The following SHLD1 variants were observed in gnomAD, a reference collection of about 807,000 sequenced individuals.
SHLD1 encodes RINN1-REV7-interacting novel NHEJ regulator 3.
In SHLD1, 3 loss-of-function variants were observed where a neutral mutation model predicts 5.5. The observed-to-expected ratio is 0.54, with a 90% CI of 0.25 to 1.40. The LOEUF is 1.40. Among genes scored for constraint, SHLD1 ranks in the 40% most tolerant of loss-of-function variants. The probability of loss-of-function intolerance (pLI) is 0.15; values close to 1 mark genes in which losing one functional copy is unlikely to be tolerated. For synonymous variants in SHLD1, 92 were observed against 94.3 expected, an observed-to-expected ratio of 0.98 and a Z score of 0.14; for missense variants, 210 against 244.4, an observed-to-expected ratio of 0.86 and a Z score of 0.94.
At chr20:5,849,360 T>A (rs1227668404) in intron 2 of SHLD1, among the ~76,000 whole-genome samples, 1 of 152,112 alleles carries the variant, frequency 6.6e-6, no homozygotes, top group African/African-American at 2.4e-5. Flanking sequence ...GAAATGCCAG[T>A]GGTGAAAACA....
rs760429954 is a variant in SHLD1 at position 5,863,455 on chromosome 20, G to T, written c.610G>T (p.Asp204Tyr). The T allele has an allele frequency of 6.3e-7, 1 of 1,598,858 alleles. No individual in the cohort carries two copies. The highest frequency in any genetic ancestry group is 1.1e-5 in the South Asian group (1 of 87,556). The change falls in exon 3 of 3, where the codon GAC (aspartate) becomes TAC (tyrosine). Residue 204 changes from aspartate (D) to tyrosine (Y), a missense_variant. By Grantham distance (160) the Asp-to-Tyr change is radical. Transcript: ENST00000303142. ...CCTCTTGCAGCAGAATGTAATGAAA[G>T]ACCTGTAACTGGTGCCGGGCAGTGT... ...HFLLQQNVMK[D>Y]L
At chr20:5,763,290 CAAAAAAAAAA>C (rs57863188) in intron 1 of SHLD1, among the ~76,000 whole-genome samples, 1 of 58,120 alleles carries the variant, frequency 1.7e-5, no homozygotes, top group Non-Finnish European at 3.4e-5. Flanking sequence ...AACTCCATCT[CAAAAAAAAAA>C]AAAAAAAAAA....
At chr20:5,775,228 A>T (rs923595879) in intron 2 of SHLD1, among the ~76,000 whole-genome samples, 10 of 151,412 alleles carry the variant, frequency 6.6e-5, no homozygotes, top group Non-Finnish European at 1.5e-4. Context: ...TTTTTTGTAG[A>T]GACAGGGTCT....
chr20:5,849,283 A>G (rs1435000686), intron 2 of SHLD1, among the ~76,000 whole-genome samples: 1 of 152,238 alleles, frequency 6.6e-6, no homozygotes, highest in African/African-American at 2.4e-5. Flanking sequence ...CCGATGGTTC[A>G]GAGTGAATCA....
chr20:5,812,295 A>G (rs1365151251), intron 2 of SHLD1, among the ~76,000 whole-genome samples: 1 of 152,114 alleles, frequency 6.6e-6, no homozygotes, highest in Non-Finnish European at 1.5e-5. Flanking sequence ...TGGACTAGTA[A>G]GGGTTTCATC....
Position 5,829,047 on chromosome 20 carries a change from G to T in SHLD1, c.179-33977G>T, listed in dbSNP as rs2087698317. On this transcript the variant is annotated intron_variant, in intron 2 of 2. Transcript: ENST00000303142. ...CACCACCATGCCTGGCTCATTTTTT[G>T]AATTATTTTTGTAGAGACAGAGTCT... Among the ~76,000 whole-genome samples the T allele has an allele frequency of 3.3e-5, 5 of 151,976 alleles. No homozygotes were observed. In the South Asian group the frequency reaches 1.0e-3, roughly 32 times the overall value.
At chr20:5,774,663 C>T (rs1985344705) in intron 2 of SHLD1, among the ~76,000 whole-genome samples, 1 of 152,092 alleles carries the variant, frequency 6.6e-6, no homozygotes, top group South Asian at 2.1e-4. Context: ...AGGTGCTACA[C>T]ACTTTTAAAC....
chr20:5,859,498 G>A (rs986113575), intron 2 of SHLD1, among the ~76,000 whole-genome samples: 4 of 152,184 alleles, frequency 2.6e-5, no homozygotes, highest in African/African-American at 9.7e-5. Context: ...AGAGAATAAG[G>A]TGGGGTTTGA....
intron 2 of SHLD1, among the ~76,000 whole-genome samples, chr20:5,854,832 G>A (rs1420438094): frequency 1.3e-5 from 2 of 149,014 alleles, no homozygotes. Context: ...CCTCTCCCCA[G>A]CTTCTGGTAA....
chr20:5,834,925 T>C (rs2087772423), intron 2 of SHLD1, among the ~76,000 whole-genome samples: 1 of 152,176 alleles, frequency 6.6e-6, no homozygotes. Flanking sequence ...ATGAGTTCCA[T>C]TCATGAGGAC....
At chr20:5,810,258 G>GAAA (rs113215634) in intron 2 of SHLD1, among the ~76,000 whole-genome samples, 4 of 143,710 alleles carry the variant, frequency 2.8e-5, no homozygotes, top group Non-Finnish European at 4.6e-5. Context: ...CTCTGTCTCG[G>GAAA]AAAAAAAAAA....
chr20:5,844,002 A>G (rs2122474614), intron 2 of SHLD1, among the ~76,000 whole-genome samples: 1 of 152,282 alleles, frequency 6.6e-6, no homozygotes, highest in South Asian at 2.1e-4. Flanking sequence ...GTATCACGCA[A>G]ATTTTAGATT....
At chr20:5,770,836 T>C (rs958125132) in intron 1 of SHLD1, among the ~76,000 whole-genome samples, 8 of 152,198 alleles carry the variant, frequency 5.3e-5, no homozygotes, top group Admixed American at 1.3e-4. Context: ...AAGGTTGTAT[T>C]TGCAGGTAAA....
At position 5,863,222 on chromosome 20, in the gene SHLD1, C is replaced by T. The variant is rs2122519905; in HGVS notation, c.377C>T (p.Ser126Phe). Residue 126 changes from serine to phenylalanine, a missense_variant, in exon 3 of 3, where the codon TCT becomes TTT. By Grantham distance (155) the Ser-to-Phe change is radical. Transcript: ENST00000303142. The part of the protein sequence containing the change: ...SLSASVCKCL[S>F]QKITQLRGQE... ...TCTGCATCTGTCTGCAAGTGCCTGT[C>T]TCAGAAAATCACTCAACTAAGAGGC... 1.2e-6 allele frequency: 2 copies of T among 1,614,016 alleles called. No homozygotes were observed. Among genetic ancestry groups the T allele is most frequent in the East Asian group, 4.5e-5 (2 of 44,892 alleles).
chr20:5,821,993 C>T (rs2087611575), intron 2 of SHLD1, among the ~76,000 whole-genome samples: 1 of 152,182 alleles, frequency 6.6e-6, no homozygotes, highest in Admixed American at 6.5e-5. Flanking sequence ...GCAAGGGGAC[C>T]ACCTGAGGGT....
intron 2 of SHLD1, among the ~76,000 whole-genome samples, chr20:5,805,670 G>C (rs1013966580): frequency 6.6e-6 from 1 of 152,052 alleles, no homozygotes; most frequent in African/African-American, 2.4e-5. Flanking sequence ...GCGCAATCTC[G>C]GCTCACTGCA....
rs1777353 is a variant in SHLD1, at chr20:5,863,476, A to G, written c.*13A>G. 0.35 allele frequency: 550,826 copies of G among 1,578,870 alleles called. 100,909 individuals are homozygous for G. The highest frequency in any genetic ancestry group is 0.56 in the African/African-American group (41,656 of 74,298). ...GAAAGACCTGTAACTGGTGCCGGGC[A>G]GTGTGCAGGGTAGTAATGGAGGTGC... On this transcript the variant is annotated 3_prime_UTR_variant, in exon 3 of 3. Coordinates refer to ENST00000303142, the MANE Select transcript of SHLD1 (RefSeq NM_152504.4).
intron 2 of SHLD1, among the ~76,000 whole-genome samples, chr20:5,802,405 C>G (rs560856595): frequency 7.2e-5 from 11 of 152,094 alleles, no homozygotes; most frequent in Non-Finnish European, 1.3e-4. Flanking sequence ...TTTGGGCAAG[C>G]TTCTTAATCC....
At chr20:5,761,951 T>A (rs535557663) in intron 1 of SHLD1, among the ~76,000 whole-genome samples, 15 of 151,932 alleles carry the variant, frequency 9.9e-5, no homozygotes, top group African/African-American at 2.7e-4. Context: ...CTCTAGAAGG[T>A]AAGTATTTTT....
Sources: allele counts gnomAD v4.1 joint callset (sites outside exome capture counted in the v4.1 genomes callset), GRCh38; gene constraint gnomAD v4.1.1; transcripts MANE v1.5; gene names NCBI Gene and HGNC (gene_info 2026-07-23, HGNC 2026-07-21).